The following RHBDL2 variants were observed in gnomAD, a reference collection of about 807,000 sequenced individuals.
RHBDL2 encodes rhomboid-related protein 2.
RHBDL2 carries 26 observed loss-of-function variants against 31.7 expected under a neutral mutation model. That is an observed-to-expected ratio of 0.82 (90% CI 0.60 to 1.14). The LOEUF (loss-of-function observed/expected upper bound fraction) is 1.14. RHBDL2 is among the 50% of genes most tolerant of loss of function. RHBDL2 has a pLI of 0.00. For synonymous variants in RHBDL2, 123 were observed against 127.2 expected, an observed-to-expected ratio of 0.97 and a Z score of 0.22; for missense variants, 336 against 364.4, an observed-to-expected ratio of 0.92 and a Z score of 0.63.
intron 7 of RHBDL2, among the ~76,000 whole-genome samples, chr1:38,886,901 C>T (rs1642791665): frequency 6.6e-6 from 1 of 152,164 alleles, no homozygotes; most frequent in African/African-American, 2.4e-5. Context: ...GTCATTTTCA[C>T]CCATTCTTAG....
At chr1:38,935,644 A>G (rs1643490849) in intron 1 of RHBDL2, among the ~76,000 whole-genome samples, 1 of 151,954 alleles carries the variant, frequency 6.6e-6, no homozygotes, top group Non-Finnish European at 1.5e-5. Flanking sequence ...ACAGGGTCTC[A>G]CTCTGTTACC....
At chr1:38,919,632 G>A (rs1191150905) in intron 1 of RHBDL2, among the ~76,000 whole-genome samples, 1 of 151,022 alleles carries the variant, frequency 6.6e-6, no homozygotes, top group East Asian at 1.9e-4. Flanking sequence ...ATGAGGTGGA[G>A]TCATCTTGCT....
intron 3 of RHBDL2, among the ~76,000 whole-genome samples, chr1:38,912,723 A>C (rs1420990966): frequency 6.6e-6 from 1 of 151,626 alleles, no homozygotes; most frequent in African/African-American, 2.4e-5. Context: ...TCCTGGCCAC[A>C]GATTCTTTTT....
intron 1 of RHBDL2, among the ~76,000 whole-genome samples, chr1:38,919,746 G>A (rs1278421833): frequency 5.3e-5 from 8 of 151,782 alleles, no homozygotes; most frequent in African/African-American, 1.7e-4. Context: ...GCTAATTTTT[G>A]TATTTTTAGT....
intron 3 of RHBDL2, among the ~76,000 whole-genome samples, chr1:38,913,348 A>G (rs1400075312): frequency 6.6e-6 from 1 of 151,838 alleles, no homozygotes; most frequent in Non-Finnish European, 1.5e-5. Flanking sequence ...TATCATCTTA[A>G]AGTCCTTGTG....
chr1:38,929,441 C>G (rs1643415880), intron 1 of RHBDL2: 2 of 1,289,484 alleles, frequency 1.6e-6, no homozygotes, highest in Non-Finnish European at 2.0e-6. Flanking sequence ...AGGCCAACAC[C>G]CTTATGACAA....
intron 4 of RHBDL2, among the ~76,000 whole-genome samples, chr1:38,904,871 A>AGGG (rs1643042377): frequency 6.7e-6 from 1 of 148,424 alleles, no homozygotes; most frequent in Non-Finnish European, 1.5e-5. Flanking sequence ...CTCTACTAAA[A>AGGG]ATACAAAAAA....
At position 38,888,026 on chromosome 1, in the gene RHBDL2, T is replaced by C. The variant is rs751512510; in HGVS notation, c.671-2A>G. 11 of 1,610,512 alleles carry C rather than the reference T, an allele frequency of 6.8e-6. No individual in the cohort carries two copies. Among genetic ancestry groups the C allele is most frequent in the Non-Finnish European group, 9.3e-6 (11 of 1,177,330 alleles). On this transcript the variant is annotated splice_acceptor_variant, in intron 6 of 7. Transcript: ENST00000372990. LOFTEE classifies it high-confidence loss of function. ...GAGCAAATCCCATGTCCAACACAAC[T>C]AGAAGGAAAAACACCCTGATAAAGG...
chr1:38,920,829 A>T (rs1431980472), intron 1 of RHBDL2, among the ~76,000 whole-genome samples: 2 of 146,954 alleles, frequency 1.4e-5, no homozygotes, highest in Non-Finnish European at 3.0e-5. Flanking sequence ...GTTAGCCAGG[A>T]TGGTCTCGAT....
At chr1:38,890,131 G>A (rs1642836474) in intron 6 of RHBDL2, among the ~76,000 whole-genome samples, 1 of 151,216 alleles carries the variant, frequency 6.6e-6, no homozygotes, top group African/African-American at 2.4e-5. Context: ...TCCACCTCCT[G>A]GGTTCACGCC....
chr1:38,906,892 A>G (rs573650289), intron 4 of RHBDL2, among the ~76,000 whole-genome samples: 13 of 152,328 alleles, frequency 8.5e-5, no homozygotes, highest in African/African-American at 1.9e-4. Context: ...AAGAATTTCT[A>G]TAGCTATAAA....
intron 4 of RHBDL2, among the ~76,000 whole-genome samples, chr1:38,902,981 T>A (rs1164187843): frequency 6.6e-6 from 1 of 152,142 alleles, no homozygotes; most frequent in Non-Finnish European, 1.5e-5. Flanking sequence ...AATTAGCAAG[T>A]ACAGACAACA....
chr1:38,890,077 G>A (rs1379049780), intron 6 of RHBDL2, among the ~76,000 whole-genome samples: 5 of 147,274 alleles, frequency 3.4e-5, no homozygotes, highest in South Asian at 4.3e-4. Flanking sequence ...TCACTCTGTC[G>A]CCTAGGCTGG....
intron 3 of RHBDL2, among the ~76,000 whole-genome samples, chr1:38,915,132 C>T (rs975350395): frequency 1.3e-5 from 2 of 150,416 alleles, no homozygotes; most frequent in Admixed American, 1.3e-4. Context: ...CAAGTGACTA[C>T]ATCTTTTTTT....
intron 1 of RHBDL2, among the ~76,000 whole-genome samples, chr1:38,935,163 C>T (rs568427783): frequency 1.3e-5 from 2 of 152,164 alleles, no homozygotes; most frequent in South Asian, 4.2e-4. Flanking sequence ...AAATGTCTAC[C>T]ACATAATCCA....
chr1:38,908,975 C>T (rs1408856750), intron 4 of RHBDL2, among the ~76,000 whole-genome samples: 1 of 152,182 alleles, frequency 6.6e-6, no homozygotes, highest in Non-Finnish European at 1.5e-5. Context: ...GGATGGTTTT[C>T]CCCTGGAGTC....
chr1:38,910,136 T>C (rs1404314170), intron 4 of RHBDL2, among the ~76,000 whole-genome samples: 1 of 152,222 alleles, frequency 6.6e-6, no homozygotes, highest in African/African-American at 2.4e-5. Flanking sequence ...TTATATAATA[T>C]TCTTCAAATG....
At chr1:38,925,621 G>A (rs1182134826) in intron 1 of RHBDL2, among the ~76,000 whole-genome samples, 1 of 152,032 alleles carries the variant, frequency 6.6e-6, no homozygotes, top group African/African-American at 2.4e-5. Flanking sequence ...TGGATCTAAT[G>A]ATATCAGGGA....
intron 4 of RHBDL2, among the ~76,000 whole-genome samples, chr1:38,910,968 A>G (rs567758000): frequency 6.6e-6 from 1 of 151,572 alleles, no homozygotes; most frequent in South Asian, 2.1e-4. Context: ...TGGTGGAGAG[A>G]GGGTTTCACC....
Sources: allele counts gnomAD v4.1 joint callset (sites outside exome capture counted in the v4.1 genomes callset), GRCh38; gene constraint gnomAD v4.1.1; transcripts MANE v1.5; gene names NCBI Gene and HGNC (gene_info 2026-07-23, HGNC 2026-07-21).